TMCC1: variants seen among roughly 807,000 people sequenced by gnomAD.
TMCC1 encodes the protein transmembrane and coiled-coil domains protein 1.
A neutral mutation model predicts 52.4 loss-of-function variants in TMCC1; 15 were observed. That is an observed-to-expected ratio of 0.29 (90% CI 0.19 to 0.44). The LOEUF (loss-of-function observed/expected upper bound fraction) is 0.44, where lower values mean the gene tolerates loss of function less well. Among genes scored for constraint, TMCC1 ranks in the 20% least tolerant of loss-of-function variants. The pLI, the probability that TMCC1 is intolerant of heterozygous loss-of-function variation, is 1.00. For synonymous variants in TMCC1, 279 were observed against 301.9 expected, an observed-to-expected ratio of 0.92 and a Z score of 0.79; for missense variants, 503 against 806.0, an observed-to-expected ratio of 0.62 and a Z score of 4.55.
At chr3:129,712,486 T>G (rs1052124089) in intron 4 of TMCC1, among the ~76,000 whole-genome samples, 1 of 152,212 alleles carries the variant, frequency 6.6e-6, no homozygotes, top group South Asian at 2.1e-4. Flanking sequence ...CTTGGTTTGT[T>G]GCCCAGGCTG....
intron 3 of TMCC1, among the ~76,000 whole-genome samples, chr3:129,831,344 C>T (rs559320029): frequency 3.3e-5 from 5 of 152,240 alleles, no homozygotes; most frequent in South Asian, 2.1e-4. Flanking sequence ...AGACTATCTT[C>T]GCAGCTACGA....
intron 4 of TMCC1, among the ~76,000 whole-genome samples, chr3:129,691,190 A>G (rs1301072711): frequency 6.6e-6 from 1 of 152,244 alleles, no homozygotes; most frequent in Non-Finnish European, 1.5e-5. Flanking sequence ...GTTGAATGAG[A>G]TATCAAAACA....
intron 4 of TMCC1, among the ~76,000 whole-genome samples, chr3:129,784,353 C>T (rs1439081417): frequency 1.3e-5 from 2 of 149,638 alleles, no homozygotes; most frequent in Non-Finnish European, 3.0e-5. Flanking sequence ...CCAAGGCGGG[C>T]GGATCACGAG....
intron 4 of TMCC1, among the ~76,000 whole-genome samples, chr3:129,760,487 TGTGTGTG>T (rs1560353188): frequency 4.0e-5 from 6 of 150,784 alleles, no homozygotes; most frequent in South Asian, 2.1e-4. Flanking sequence ...TGTGTGTGTG[TGTGTGTG>T]TTTTTGAGAC....
chr3:129,883,892 T>C (rs1577218940), intron 1 of TMCC1, among the ~76,000 whole-genome samples: 1 of 151,604 alleles, frequency 6.6e-6, no homozygotes, highest in Non-Finnish European at 1.5e-5. Context: ...AGAAAAAATA[T>C]ATTTTTGAAA....
At chr3:129,851,346 G>A (rs895027539) in intron 2 of TMCC1, among the ~76,000 whole-genome samples, 2 of 152,268 alleles carry the variant, frequency 1.3e-5, no homozygotes, top group Admixed American at 1.3e-4. Context: ...AAATAAAGCT[G>A]TCAGTTGAGT....
chr3:129,671,262 G>C lies in TMCC1; in HGVS notation c.579C>G (p.Ile193Met), dbSNP rs564523106. The change falls in exon 5 of 7, where the codon ATC (isoleucine) becomes ATG (methionine). Residue 193 changes from isoleucine (I) to methionine (M), a missense_variant and splice_region_variant. Around this residue, in one of 7 missense-constraint regions of TMCC1, gnomAD observed 217 missense variants for 297.9 expected, o/e 0.73. Coordinates refer to ENST00000393238, the MANE Select transcript of TMCC1 (RefSeq NM_001017395.5). ...CAAGGCTGCTTACTTCCAACCGTTC[G>C]ATCTAGTGTAAAAACAAGAGGTACA... is the stretch of plus-strand genomic sequence containing the variant. ...LPGEEGTAERIERLEVSSLAQ... is the reference protein window; with the variant it reads ...LPGEEGTAERMERLEVSSLAQ... The C allele has an allele frequency of 1.2e-6, 2 of 1,604,136 alleles. No homozygotes were observed. Among genetic ancestry groups the C allele is most frequent in the Non-Finnish European group, 1.7e-6 (2 of 1,174,252 alleles).
intron 2 of TMCC1, among the ~76,000 whole-genome samples, chr3:129,849,094 C>CTTTTTCTT (rs1426695107): frequency 6.6e-6 from 1 of 152,182 alleles, no homozygotes; most frequent in African/African-American, 2.4e-5. Context: ...TACTATTAAA[C>CTTTTTCTT]ATGTACCACA....
intron 4 of TMCC1, among the ~76,000 whole-genome samples, chr3:129,755,057 G>C (rs2052877612): frequency 6.6e-6 from 1 of 152,104 alleles, no homozygotes; most frequent in Admixed American, 6.6e-5. Context: ...CAGCTAGGGC[G>C]ACAGAGTGAG....
At chr3:129,719,995 A>G (rs1254141375) in intron 4 of TMCC1, among the ~76,000 whole-genome samples, 1 of 151,926 alleles carries the variant, frequency 6.6e-6, no homozygotes, top group East Asian at 1.9e-4. Flanking sequence ...AAGCCTCAGC[A>G]ACATGGTGAG....
intron 4 of TMCC1, among the ~76,000 whole-genome samples, chr3:129,682,519 C>T (rs1009967880): frequency 1.3e-5 from 2 of 152,114 alleles, no homozygotes; most frequent in African/African-American, 4.8e-5. Flanking sequence ...TCCCCTGCCT[C>T]CCTGAGCCTA....
chr3:129,784,934 C>T (rs2055870965), intron 4 of TMCC1, among the ~76,000 whole-genome samples: 1 of 151,962 alleles, frequency 6.6e-6, no homozygotes, highest in South Asian at 2.1e-4. Flanking sequence ...AAGCTCTGAT[C>T]ACACCACTGC....
intron 4 of TMCC1, among the ~76,000 whole-genome samples, chr3:129,701,614 C>G (rs1284521299): frequency 1.3e-5 from 2 of 152,152 alleles, no homozygotes; most frequent in African/African-American, 4.8e-5. Flanking sequence ...GAAAGGAGGG[C>G]AAGAGAGGCT....
chr3:129,739,602 G>C (rs746846880), intron 4 of TMCC1, among the ~76,000 whole-genome samples: 1 of 152,202 alleles, frequency 6.6e-6, no homozygotes. Context: ...TACTGGAAGA[G>C]AGATAGTCTA....
intron 4 of TMCC1, among the ~76,000 whole-genome samples, chr3:129,700,271 A>G (rs781689056): frequency 1.3e-5 from 2 of 152,172 alleles, no homozygotes; most frequent in Non-Finnish European, 2.9e-5. Flanking sequence ...AAATCGGCAT[A>G]TTGCTAAATA....
chr3:129,790,507 G>A (rs538365126), intron 4 of TMCC1, among the ~76,000 whole-genome samples: 1 of 152,188 alleles, frequency 6.6e-6, no homozygotes, highest in South Asian at 2.1e-4. Context: ...TAAAATAAAA[G>A]GGTATAATAT....
chr3:129,794,966 C>A (rs2056724198), intron 4 of TMCC1, among the ~76,000 whole-genome samples: 2 of 152,160 alleles, frequency 1.3e-5, no homozygotes, highest in Non-Finnish European at 2.9e-5. Context: ...TGTACCAGCT[C>A]CCTGCTCAAG....
At position 129,818,654 on chromosome 3, in the gene TMCC1, G is replaced by GAAACTTTTAAAGAAAAGTTTTAAAGA. The variant is rs1560483650; in HGVS notation, c.576+9123_576+9148dup. The stretch of plus-strand genomic sequence containing the variant: ...GAAACTTTTAAAGAAAAGTTTTAAA[G>GAAACTTTTAAAGAAAAGTTTTAAAGA]AAACTTTTAAAGAAAAGTTTTAAAG... On this transcript the variant is annotated intron_variant, in intron 4 of 6. Coordinates refer to ENST00000393238, the MANE Select transcript of TMCC1 (RefSeq NM_001017395.5). Among the ~76,000 whole-genome samples, 353 of 147,630 alleles carry GAAACTTTTAAAGAAAAGTTTTAAAGA rather than the reference G, an allele frequency of 2.4e-3. 2 individuals are homozygous for GAAACTTTTAAAGAAAAGTTTTAAAGA. The highest frequency in any genetic ancestry group is 4.5e-3 in the Non-Finnish European group (299 of 66,458).
chr3:129,728,919 GAGT>G (rs1459621116), intron 4 of TMCC1, among the ~76,000 whole-genome samples: 5 of 152,116 alleles, frequency 3.3e-5, no homozygotes, highest in Non-Finnish European at 7.4e-5. Flanking sequence ...TTTCATTGCT[GAGT>G]AGTAGTTCAT....
Sources: allele counts gnomAD v4.1 joint callset (sites outside exome capture counted in the v4.1 genomes callset), GRCh38; gene constraint gnomAD v4.1.1; regional missense constraint gnomAD v4.1.1; transcripts MANE v1.5; gene names NCBI Gene and HGNC (gene_info 2026-07-23, HGNC 2026-07-21).